Variants in DLGAP2 observed in about 807,000 individuals in gnomAD.
DLGAP2 encodes the protein disks large-associated protein 2.
DLGAP2 carries 26 observed loss-of-function variants against 100.3 expected under a neutral mutation model. The ratio of observed to expected loss-of-function variants is 0.26; its 90% CI spans 0.19 to 0.36. The LOEUF (loss-of-function observed/expected upper bound fraction) is 0.36, where lower values mean the gene tolerates loss of function less well. Among genes scored for constraint, DLGAP2 ranks in the 10% least tolerant of loss-of-function variants. The pLI is 1.00. For missense variants in DLGAP2, 1,858 were observed against 1,453.2 expected (o/e 1.28, Z -4.53); for synonymous variants, 886 against 630.1 (o/e 1.41, Z -6.08).
At chr8:1,217,777 C>G (rs939190147) in intron 2 of DLGAP2, among the ~76,000 whole-genome samples, 1 of 152,042 alleles carries the variant, frequency 6.6e-6, no homozygotes, top group African/African-American at 2.4e-5. Flanking sequence ...TTGACAACAT[C>G]TGCTATTAAT....
chr8:1,067,816 G>C (rs2701901), intron 2 of DLGAP2, among the ~76,000 whole-genome samples: 43,670 of 150,378 alleles, frequency 0.29, 6,775 homozygotes, highest in Middle Eastern at 0.36. Context: ...ATCCTCACCC[G>C]GAGTCCGTGG....
At chr8:943,649 G>A (rs114066978) in intron 2 of DLGAP2, among the ~76,000 whole-genome samples, 1 of 150,394 alleles carries the variant, frequency 6.6e-6, no homozygotes, top group East Asian at 2.1e-4. Context: ...TGGCCATCCC[G>A]CCACAAGCAC....
rs141589083 is a variant in DLGAP2, at chr8:1,054,978, G to A, written c.73+147012G>A. Among the ~76,000 whole-genome samples, 105 of 152,234 alleles carry A rather than the reference G, an allele frequency of 6.9e-4. 2 individuals carry two copies. Among genetic ancestry groups the A allele is most frequent in the African/African-American group, 2.4e-3 (100 of 41,534 alleles). On this transcript the variant is annotated intron_variant, in intron 2 of 14. Transcript: ENST00000637795. ...AGTTTTTCCTCATGAAGCAATAATC[G>A]CATATAGCAAATTGAATATACTTCC... is the stretch of plus-strand genomic sequence containing the variant.
chr8:982,244 C>T (rs141996027), intron 2 of DLGAP2, among the ~76,000 whole-genome samples: 1 of 152,242 alleles, frequency 6.6e-6, no homozygotes, highest in Non-Finnish European at 1.5e-5. Context: ...GGTGACCGTG[C>T]AAGACCCGTT....
chr8:1,103,229 T>C (rs1189019418), intron 2 of DLGAP2, among the ~76,000 whole-genome samples: 1 of 152,142 alleles, frequency 6.6e-6, no homozygotes, highest in Non-Finnish European at 1.5e-5. Context: ...CTGGGCGTCG[T>C]CTGGGGGTGT....
chr8:1,118,950 T>A (rs1795967890), intron 2 of DLGAP2, among the ~76,000 whole-genome samples: 1 of 152,254 alleles, frequency 6.6e-6, no homozygotes, highest in South Asian at 2.1e-4. Flanking sequence ...CATAGAATAA[T>A]TTATCGTTTG....
intron 2 of DLGAP2, among the ~76,000 whole-genome samples, chr8:1,025,906 C>G (rs1404040717): frequency 1.3e-5 from 2 of 152,176 alleles, no homozygotes; most frequent in East Asian, 1.9e-4. Flanking sequence ...ACAGAGCACG[C>G]TGCAGGGAAA....
chr8:1,230,991 AACAT>A (rs1391710560), intron 2 of DLGAP2, among the ~76,000 whole-genome samples: 3 of 152,208 alleles, frequency 2.0e-5, no homozygotes, highest in African/African-American at 7.2e-5. Flanking sequence ...CTGCAACAAA[AACAT>A]AAATTGACAA....
At position 1,087,423 on chromosome 8, in the gene DLGAP2, C is replaced by G. The variant is rs573046714; in HGVS notation, c.74-171428C>G. On this transcript the variant is annotated intron_variant, in intron 2 of 14. Coordinates refer to ENST00000637795, the MANE Select transcript of DLGAP2 (RefSeq NM_001346810.2). ...CTGGCTGTGTTCCTCACTCCAGCTC[C>G]TTTCTCAAGGCTGTGAGCAGCATCA... is the stretch of plus-strand genomic sequence containing the variant. Among the ~76,000 whole-genome samples the G allele has an allele frequency of 2.0e-5, 3 of 152,320 alleles. No individual in the cohort carries two copies. In the East Asian group the frequency reaches 5.8e-4, roughly 29 times the overall value.
At chr8:811,599 G>A (rs1585889656) in intron 1 of DLGAP2, among the ~76,000 whole-genome samples, 1 of 149,734 alleles carries the variant, frequency 6.7e-6, no homozygotes, top group Non-Finnish European at 1.5e-5. Context: ...ATGGTGAGAG[G>A]CCACCAGCTT....
intron 2 of DLGAP2, among the ~76,000 whole-genome samples, chr8:1,125,252 A>G (rs1283541940): frequency 6.6e-6 from 1 of 152,212 alleles, no homozygotes; most frequent in Non-Finnish European, 1.5e-5. Flanking sequence ...CCTGTAAGAT[A>G]TTTCATTGTC....
intron 3 of DLGAP2, among the ~76,000 whole-genome samples, chr8:1,304,234 G>C (rs946425513): frequency 6.6e-6 from 1 of 152,332 alleles, no homozygotes; most frequent in East Asian, 1.9e-4. Context: ...TCTTCCTGTA[G>C]GAGCCCTGAG....
rs117289583 is a variant in DLGAP2 at position 891,211 on chromosome 8, G to A, written c.19-16701G>A. ...GAGGGCATGGCTGAAGGTGAAAGGC[G>A]ACAAGGACCCGTGTGGCGACCAGGA... On this transcript the variant is annotated intron_variant, in intron 1 of 14. Transcript: ENST00000637795. 432 of 152,566 alleles carry A rather than the reference G, an allele frequency of 2.8e-3. 3 individuals are homozygous for A. Among genetic ancestry groups the A allele is most frequent in the Middle Eastern group, 6.8e-3 (2 of 296 alleles). The allele number at this position is 152,566 out of a possible 1,614,324, so 9.5% of individuals were successfully genotyped here. A position where few individuals can be genotyped will look rare whatever the true frequency, so the allele number is the denominator to read the frequency against.
chr8:1,675,708 A>T (rs1481110793), intron 10 of DLGAP2, among the ~76,000 whole-genome samples: 1 of 152,212 alleles, frequency 6.6e-6, no homozygotes, highest in Non-Finnish European at 1.5e-5. Flanking sequence ...AGAGGGCTCA[A>T]AAGTCCTTTT....
At chr8:1,100,021 A>C (rs577752507) in intron 2 of DLGAP2, among the ~76,000 whole-genome samples, 6 of 152,238 alleles carry the variant, frequency 3.9e-5, no homozygotes, top group Non-Finnish European at 8.8e-5. Flanking sequence ...ACAAGTCATA[A>C]GTTTTGAATT....
chr8:1,275,299 A>C (rs940616782), intron 3 of DLGAP2, among the ~76,000 whole-genome samples: 2 of 151,932 alleles, frequency 1.3e-5, no homozygotes, highest in Non-Finnish European at 2.9e-5. Flanking sequence ...GTAGCTTACT[A>C]GATGCCCACA....
chr8:1,417,784 G>A (rs1796972241), intron 3 of DLGAP2, among the ~76,000 whole-genome samples: 1 of 152,098 alleles, frequency 6.6e-6, no homozygotes, highest in African/African-American at 2.4e-5. Flanking sequence ...TGATTTCAGA[G>A]AAAGTGATCA....
At chr8:1,100,035 C>T (rs1187410296) in intron 2 of DLGAP2, among the ~76,000 whole-genome samples, 1 of 152,234 alleles carries the variant, frequency 6.6e-6, no homozygotes, top group Non-Finnish European at 1.5e-5. Flanking sequence ...TTGAATTGCA[C>T]ACTGTTCTTA....
chr8:1,437,265 C>G (rs776413968), intron 3 of DLGAP2, among the ~76,000 whole-genome samples: 10 of 152,146 alleles, frequency 6.6e-5, no homozygotes, highest in Non-Finnish European at 1.3e-4. Flanking sequence ...TGACGCCATC[C>G]GGGTCTCCGT....
Sources: gnomAD v4.1 joint callset for allele counts (sites outside exome capture counted in the v4.1 genomes callset) on GRCh38, gnomAD v4.1.1 for gene constraint, MANE v1.5 for transcripts, NCBI Gene and HGNC (gene_info 2026-07-23, HGNC 2026-07-21) for gene names.